ADGRG6: variants seen among roughly 807,000 people sequenced by gnomAD.
The protein encoded by ADGRG6 is G-protein coupled receptor 126.
ADGRG6 carries 84 observed loss-of-function variants against 142.4 expected under a neutral mutation model. The observed-to-expected ratio is 0.59, with a 90% CI of 0.49 to 0.71. The LOEUF is 0.71. Among genes scored for constraint, ADGRG6 ranks in the 30% least tolerant of loss-of-function variants. The pLI is 0.00. For synonymous variants in ADGRG6, 521 were observed against 520.5 expected, an observed-to-expected ratio of 1.00 and a Z score of -0.01; for missense variants, 1,367 against 1,466.6, an observed-to-expected ratio of 0.93 and a Z score of 1.11.
chr6:142,332,486 T>G (rs1779107899), intron 2 of ADGRG6, among the ~76,000 whole-genome samples: 1 of 142,282 alleles, frequency 7.0e-6, no homozygotes, highest in Non-Finnish European at 1.5e-5. Context: ...ACTAGCATGT[T>G]TTTTGCTTTT....
intron 2 of ADGRG6, among the ~76,000 whole-genome samples, chr6:142,328,503 C>A (rs1030206893): frequency 6.6e-6 from 1 of 152,128 alleles, no homozygotes; most frequent in Admixed American, 6.5e-5. Context: ...GGCTGACCTG[C>A]TTATCCTTTT....
intron 24 of ADGRG6, 77 bp from the exon 25 acceptor site, chr6:142,443,260 C>A: frequency 1.2e-6 from 1 of 804,592 alleles, no homozygotes; most frequent in Non-Finnish European, 2.0e-6. Flanking sequence ...ATGTGCAAAA[C>A]GGAGTATACA....
At chr6:142,384,287 A>G (rs1781918823) in intron 6 of ADGRG6, among the ~76,000 whole-genome samples, 2 of 152,118 alleles carry the variant, frequency 1.3e-5, no homozygotes, top group Admixed American at 6.5e-5. Flanking sequence ...TTATGGTCAT[A>G]TATTTGTGAC....
intron 2 of ADGRG6, among the ~76,000 whole-genome samples, chr6:142,336,143 T>C (rs1445722823): frequency 2.6e-5 from 4 of 152,232 alleles, no homozygotes; most frequent in African/African-American, 9.7e-5. Context: ...AGGTCTTCCA[T>C]GCAGCAGGCA....
At chr6:142,370,044 G>A (rs1311045639) in intron 3 of ADGRG6, 126 bp from the exon 4 acceptor site, 4 of 646,810 alleles carry the variant, frequency 6.2e-6, no homozygotes, top group African/African-American at 5.4e-5. Flanking sequence ...TAAGAGGGGA[G>A]GGATGGGGCA....
chr6:142,437,905 A>AAC (rs1777561511), intron 23 of ADGRG6: 1 of 257,986 alleles, frequency 3.9e-6, no homozygotes, highest in African/African-American at 2.2e-5. Flanking sequence ...AAAAAAAAAA[A>AAC]AAAACTGAAA....
At chr6:142,434,362 T>G (rs927616081) in intron 22 of ADGRG6, among the ~76,000 whole-genome samples, 1 of 151,430 alleles carries the variant, frequency 6.6e-6, no homozygotes, top group African/African-American at 2.4e-5. Context: ...TCTCGCACTG[T>G]CACCCAGGAT....
intron 4 of ADGRG6, 92 bp from the exon 5 acceptor site, chr6:142,381,859 G>C (rs1781785279): frequency 3.9e-6 from 3 of 766,248 alleles, no homozygotes; most frequent in Non-Finnish European, 6.7e-6. Flanking sequence ...GACTCTTCTA[G>C]GGCTGCTTCT....
intron 22 of ADGRG6, among the ~76,000 whole-genome samples, chr6:142,431,337 T>A (rs1485416730): frequency 6.6e-6 from 1 of 152,124 alleles, no homozygotes; most frequent in Non-Finnish European, 1.5e-5. Context: ...AGAGTGGTAG[T>A]TTTCCAGGCT....
At chr6:142,313,414 G>T (rs1359834683) in intron 2 of ADGRG6, among the ~76,000 whole-genome samples, 3 of 152,032 alleles carry the variant, frequency 2.0e-5, no homozygotes, top group African/African-American at 7.2e-5. Context: ...ACAGCCAAGA[G>T]CCAATACATT....
chr6:142,343,382 T>A (rs1482252354), intron 2 of ADGRG6, among the ~76,000 whole-genome samples: 3 of 151,472 alleles, frequency 2.0e-5, no homozygotes, highest in African/African-American at 7.3e-5. Flanking sequence ...CAGAAAAAAA[T>A]TACATATATT....
In ADGRG6 at chr6:142,383,774, C is replaced by T. The variant is rs770300960; in HGVS notation, c.1153C>T (p.Pro385Ser). The change falls in exon 6 of 25, where the codon CCT becomes TCT. Residue 385 changes from proline (P) to serine (S), a missense_variant. Physicochemically the swap from Pro to Ser is moderately conservative, Grantham distance 74 (BLOSUM62 -1). This residue lies in a region of ADGRG6 where 737 missense variants were observed against 746.5 expected (regional missense o/e 0.99). Coordinates refer to ENST00000367609, the MANE Select transcript of ADGRG6 (RefSeq NM_198569.3). ...TTTATTACCAGCTACTGTAAACTCT[C>T]CTAGTACTACACCACCCACTGTCAC... ...GTLCQATVNS[P>S]STTPPTVTTN... 10 of 1,550,190 alleles carry T rather than the reference C, an allele frequency of 6.5e-6. No individual in the cohort carries two copies. The highest frequency in any genetic ancestry group is 1.7e-4 in the Middle Eastern group (1 of 5,940).
chr6:142,307,121 T>C (rs1322348313), intron 1 of ADGRG6, among the ~76,000 whole-genome samples: 1 of 152,124 alleles, frequency 6.6e-6, no homozygotes, highest in African/African-American at 2.4e-5. Context: ...AAACAGTGTT[T>C]TGTGGCCAAA....
At chr6:142,433,324 G>T (rs1777302932) in intron 22 of ADGRG6, among the ~76,000 whole-genome samples, 2 of 152,130 alleles carry the variant, frequency 1.3e-5, no homozygotes, top group African/African-American at 4.8e-5. Context: ...AAAGAATCTA[G>T]TAACCAATTC....
At chr6:142,332,261 AC>A (rs2114670116) in intron 2 of ADGRG6, among the ~76,000 whole-genome samples, 1 of 152,324 alleles carries the variant, frequency 6.6e-6, no homozygotes, top group Admixed American at 6.5e-5. Context: ...AGAGAGGCTG[AC>A]TTACCACATA....
At position 142,367,666 on chromosome 6, in the gene ADGRG6, C is replaced by T; in HGVS notation, c.201C>T (p.Cys67=). The change falls in exon 3 of 25, where the codon TGC becomes TGT. Residue 67 remains cysteine (C), a synonymous_variant. Transcript: ENST00000367609. Reference sequence around the variant, plus strand: ...ACGACTACCCAAACAGCCAGGCTTGCATGTGGACGCTCCGAGCCCCCACCG... The same window carrying T: ...ACGACTACCCAAACAGCCAGGCTTGTATGTGGACGCTCCGAGCCCCCACCG... ...YPNDYPNSQA[C]MWTLRAPTGY... is the part of the protein sequence containing the mutation. The T allele has an allele frequency of 6.2e-7, 1 of 1,613,852 alleles. No homozygotes were observed. The highest frequency in any genetic ancestry group is 8.5e-7 in the Non-Finnish European group (1 of 1,179,846).
chr6:142,366,481 C>A (rs1562340776), intron 2 of ADGRG6, among the ~76,000 whole-genome samples: 1 of 152,178 alleles, frequency 6.6e-6, no homozygotes, highest in Non-Finnish European at 1.5e-5. Context: ...CTTTGGAGAA[C>A]CAGCATCGCT....
At chr6:142,404,698 G>A (rs563784854) in intron 14 of ADGRG6, among the ~76,000 whole-genome samples, 2 of 152,194 alleles carry the variant, frequency 1.3e-5, no homozygotes, top group South Asian at 4.2e-4. Flanking sequence ...TGTTAAAACA[G>A]ATTTCTGGGA....
intron 4 of ADGRG6, among the ~76,000 whole-genome samples, chr6:142,377,468 G>A (rs954248716): frequency 6.6e-6 from 1 of 152,186 alleles, no homozygotes; most frequent in South Asian, 2.1e-4. Context: ...TTCCTCATCT[G>A]CACGAAAGCA....
Sources: allele counts gnomAD v4.1 joint callset (sites outside exome capture counted in the v4.1 genomes callset), GRCh38; gene constraint gnomAD v4.1.1; regional missense constraint gnomAD v4.1.1; transcripts MANE v1.5; gene names NCBI Gene and HGNC (gene_info 2026-07-23, HGNC 2026-07-21).